ACSM1: variants seen among roughly 807,000 people sequenced by gnomAD.
The protein encoded by ACSM1 is acyl-CoA synthetase medium chain family member 1, also known as acyl-coenzyme A synthetase ACSM1, mitochondrial.
In ACSM1, 79 loss-of-function variants were observed where a neutral mutation model predicts 75.8. The ratio of observed to expected loss-of-function variants is 1.04; its 90% CI spans 0.87 to 1.26. The LOEUF is 1.26. Among genes scored for constraint, ACSM1 ranks in the 50% most tolerant of loss-of-function variants. The probability of loss-of-function intolerance (pLI) is 0.00; values close to 1 mark genes in which losing one functional copy is unlikely to be tolerated. For synonymous variants in ACSM1, 279 were observed against 265.8 expected (o/e 1.05, Z -0.48); for missense variants, 676 against 720.1 (o/e 0.94, Z 0.70).
intron 8 of ACSM1, among the ~76,000 whole-genome samples, chr16:20,639,071 C>T (rs2017903228): frequency 6.6e-6 from 1 of 152,150 alleles, no homozygotes; most frequent in Non-Finnish European, 1.5e-5. Flanking sequence ...TAATTTTGCA[C>T]AGGGCCTGGG....
chr16:20,635,971 T>G (rs1027273110), intron 10 of ACSM1, among the ~76,000 whole-genome samples: 6 of 152,150 alleles, frequency 3.9e-5, no homozygotes, highest in African/African-American at 1.4e-4. Flanking sequence ...TAAGTTGTGT[T>G]GCTGAGAATT....
At chr16:20,627,421 C>T (rs1041272739) in intron 10 of ACSM1, 105 bp from the exon 11 acceptor site, 56 of 1,356,222 alleles carry the variant, frequency 4.1e-5, no homozygotes, top group East Asian at 1.9e-4. Context: ...TGTTTCTACT[C>T]GGTACCTGGG....
At chr16:20,660,421 G>A (rs1369544057) in intron 7 of ACSM1, among the ~76,000 whole-genome samples, 1 of 152,192 alleles carries the variant, frequency 6.6e-6, no homozygotes, top group South Asian at 2.1e-4. Flanking sequence ...AGGGTCAAGA[G>A]TGAGGATAGG....
At chr16:20,685,742 C>T (rs566577570) in intron 2 of ACSM1, among the ~76,000 whole-genome samples, 1 of 149,354 alleles carries the variant, frequency 6.7e-6, no homozygotes, top group Non-Finnish European at 1.5e-5. Flanking sequence ...ATTGCTTGAA[C>T]CCAGGAGGCA....
intron 12 of ACSM1, among the ~76,000 whole-genome samples, chr16:20,624,874 C>T (rs969608340): frequency 6.6e-6 from 1 of 151,802 alleles, no homozygotes; most frequent in African/African-American, 2.4e-5. Flanking sequence ...GCCCCCACCA[C>T]ACCTGGCTAA....
At chr16:20,656,007 T>C (rs887332481) in intron 7 of ACSM1, among the ~76,000 whole-genome samples, 1 of 152,292 alleles carries the variant, frequency 6.6e-6, no homozygotes, top group African/African-American at 2.4e-5. Flanking sequence ...ATTGTTTCTT[T>C]AACATTCTTC....
intron 7 of ACSM1, among the ~76,000 whole-genome samples, chr16:20,655,359 G>T (rs893213236): frequency 6.6e-6 from 1 of 151,464 alleles, no homozygotes; most frequent in East Asian, 1.9e-4. Context: ...TAACAAACCT[G>T]TACGTTGTGC....
intron 5 of ACSM1, among the ~76,000 whole-genome samples, 183 bp downstream of exon 5, chr16:20,671,348 C>G (rs1352423981): frequency 6.6e-6 from 1 of 151,884 alleles, no homozygotes; most frequent in African/African-American, 2.4e-5. Flanking sequence ...GGATTCCCAG[C>G]CTTCACCTCT....
chr16:20,685,417 T>A lies in ACSM1; in HGVS notation c.193-14A>T. On this transcript the variant is annotated splice_polypyrimidine_tract_variant and intron_variant, in intron 2 of 13. Transcript: ENST00000520010. ...TCTCTTGCCCTCCTGGTCAAGACCA[T>A]ATATTATGTGTTATTTTCTGCTTCA... 1.2e-6 allele frequency: 2 copies of A among 1,611,924 alleles called. No individual in the cohort carries two copies. The highest frequency in any genetic ancestry group is 8.5e-7 in the Non-Finnish European group (1 of 1,177,986).
chr16:20,672,694 T>G (rs1325149978), intron 4 of ACSM1, among the ~76,000 whole-genome samples: 1 of 122,726 alleles, frequency 8.1e-6, no homozygotes, highest in African/African-American at 3.3e-5. Context: ...AATTTATATA[T>G]AAGTATATAT....
chr16:20,696,674 G>A (rs1231560943), intron 1 of ACSM1, among the ~76,000 whole-genome samples: 1 of 152,202 alleles, frequency 6.6e-6, no homozygotes, highest in African/African-American at 2.4e-5. Context: ...TGCTTAAAGT[G>A]CATTCTGAAA....
intron 10 of ACSM1, among the ~76,000 whole-genome samples, chr16:20,628,550 G>GT (rs1011530562): frequency 7.5e-4 from 109 of 146,036 alleles, no homozygotes; most frequent in South Asian, 8.7e-4. Flanking sequence ...GTTTGGGACT[G>GT]TTTTTTTTTT....
At chr16:20,671,440 GACACACACACACACACACACACAC>G (rs55913255) in intron 5 of ACSM1, 67 bp downstream of exon 5, 2 of 970,726 alleles carry the variant, frequency 2.1e-6, no homozygotes, top group Admixed American at 3.5e-5. Flanking sequence ...CCTTTCCCAA[GACACACACACACACACACACACAC>G]ACACACACAC....
chr16:20,671,710 T>A (rs774320851), intron 4 of ACSM1, 39 bp from the exon 5 acceptor site: 1 of 1,466,890 alleles, frequency 6.8e-7, no homozygotes, highest in Non-Finnish European at 9.1e-7. Context: ...AAAGTCATGA[T>A]TGCTGTTTCT....
At chr16:20,670,056 T>G in intron 5 of ACSM1, 70 bp from the exon 6 acceptor site, 1 of 1,511,068 alleles carries the variant, frequency 6.6e-7, no homozygotes, top group Non-Finnish European at 9.1e-7. Flanking sequence ...TGCACTCTGG[T>G]TTTTAGCTAC....
At chr16:20,657,762 G>A (rs575466151) in intron 7 of ACSM1, among the ~76,000 whole-genome samples, 5 of 61,926 alleles carry the variant, frequency 8.1e-5, no homozygotes, top group South Asian at 5.2e-4. Context: ...CCCCCCTCCC[G>A]CCACCCCACA....
intron 9 of ACSM1, chr16:20,637,115 G>C (rs1335774110): frequency 2.0e-5 from 15 of 758,788 alleles, no homozygotes; most frequent in Non-Finnish European, 3.4e-5. Context: ...TGCTAGAGAG[G>C]GCTCCCAGTG....
chr16:20,656,502 C>T (rs1175926833), intron 7 of ACSM1, among the ~76,000 whole-genome samples: 2 of 152,028 alleles, frequency 1.3e-5, no homozygotes, highest in African/African-American at 2.4e-5. Flanking sequence ...ATAATAGAAG[C>T]ACAAAATATG....
chr16:20,640,635 C>T (rs2018001041), intron 7 of ACSM1, 51 bp from the exon 8 acceptor site: 1 of 1,612,132 alleles, frequency 6.2e-7, no homozygotes. Context: ...TGGCTCTGTG[C>T]ATTCAGAGCT....
Sources: allele counts gnomAD v4.1 joint callset (sites outside exome capture counted in the v4.1 genomes callset), GRCh38; gene constraint gnomAD v4.1.1; transcripts MANE v1.5; gene names NCBI Gene and HGNC (gene_info 2026-07-23, HGNC 2026-07-21).